Variants in STXBP6 observed in about 807,000 individuals in gnomAD.
The protein encoded by STXBP6 is syntaxin binding protein 6.
In STXBP6, 21 loss-of-function variants were observed where a neutral mutation model predicts 26.9. That is an observed-to-expected ratio of 0.78 (90% CI 0.55 to 1.12). The LOEUF (loss-of-function observed/expected upper bound fraction) is 1.12, where lower values mean the gene tolerates loss of function less well. Among genes scored for constraint, STXBP6 ranks in the 50% most tolerant of loss-of-function variants. The pLI is 0.00. For synonymous variants in STXBP6, 97 were observed against 92.6 expected (o/e 1.05, Z -0.27); for missense variants, 232 against 257.9 (o/e 0.90, Z 0.69).
intron 1 of STXBP6, among the ~76,000 whole-genome samples, chr14:25,006,747 C>T (rs2074908710): frequency 6.6e-6 from 1 of 152,100 alleles, no homozygotes; most frequent in Non-Finnish European, 1.5e-5. Context: ...TCCTTGAGGC[C>T]CTCAATGATT....
intron 1 of STXBP6, among the ~76,000 whole-genome samples, chr14:25,022,853 A>C (rs2075284209): frequency 6.6e-6 from 1 of 152,174 alleles, no homozygotes; most frequent in Non-Finnish European, 1.5e-5. Flanking sequence ...TGGATGCCTC[A>C]AACTCATCTC....
intron 2 of STXBP6, among the ~76,000 whole-genome samples, chr14:24,880,854 G>C (rs890567392): frequency 6.6e-6 from 1 of 152,186 alleles, no homozygotes; most frequent in Non-Finnish European, 1.5e-5. Flanking sequence ...AGAGTTAGCA[G>C]AACAGCACTG....
intron 1 of STXBP6, among the ~76,000 whole-genome samples, chr14:24,986,252 T>C (rs1010808868): frequency 2.0e-5 from 3 of 152,154 alleles, no homozygotes; most frequent in Non-Finnish European, 4.4e-5. Context: ...TTTTCACAGT[T>C]TGTTTTCTCA....
At chr14:24,913,586 C>T (rs918184706) in intron 2 of STXBP6, among the ~76,000 whole-genome samples, 1 of 152,050 alleles carries the variant, frequency 6.6e-6, no homozygotes, top group African/African-American at 2.4e-5. Flanking sequence ...CTTTTAGAAC[C>T]CCAGCTCAGA....
At chr14:25,042,788 C>A (rs1319758029) in intron 1 of STXBP6, among the ~76,000 whole-genome samples, 1 of 152,188 alleles carries the variant, frequency 6.6e-6, no homozygotes, top group Non-Finnish European at 1.5e-5. Flanking sequence ...AACAAAATCT[C>A]AAGAGGCACT....
chr14:24,923,835 G>A (rs1224159593), intron 2 of STXBP6, among the ~76,000 whole-genome samples: 2 of 151,996 alleles, frequency 1.3e-5, no homozygotes, highest in Non-Finnish European at 2.9e-5. Context: ...GTTACACAAG[G>A]TTGCAAATAT....
At chr14:24,863,596 T>C (rs989055081) in intron 2 of STXBP6, among the ~76,000 whole-genome samples, 1 of 152,098 alleles carries the variant, frequency 6.6e-6, no homozygotes, top group Admixed American at 6.6e-5. Context: ...ATCAAGAGAC[T>C]AGAAGGAAAG....
At chr14:24,931,420 TA>T (rs1203276126) in intron 2 of STXBP6, among the ~76,000 whole-genome samples, 1 of 151,828 alleles carries the variant, frequency 6.6e-6, no homozygotes, top group African/African-American at 2.4e-5. Flanking sequence ...TCTGGATGTG[TA>T]AAAAAAAGCT....
chr14:25,030,006 A>C (rs1247687377), intron 1 of STXBP6, among the ~76,000 whole-genome samples: 1 of 152,180 alleles, frequency 6.6e-6, no homozygotes, highest in African/African-American at 2.4e-5. Flanking sequence ...TGAAAGTCTC[A>C]ATTAATCCCC....
intron 2 of STXBP6, among the ~76,000 whole-genome samples, chr14:24,967,588 T>C (rs1464218088): frequency 6.6e-6 from 1 of 152,246 alleles, no homozygotes; most frequent in East Asian, 1.9e-4. Flanking sequence ...AAAAAGGATG[T>C]AAGAAAACTC....
At chr14:24,847,179 T>G (rs1260738566) in intron 4 of STXBP6, among the ~76,000 whole-genome samples, 1 of 152,172 alleles carries the variant, frequency 6.6e-6, no homozygotes, top group Non-Finnish European at 1.5e-5. Flanking sequence ...ATGGCATCAC[T>G]CATTAGCTGT....
chr14:24,963,287 G>T (rs1287247102), intron 2 of STXBP6, among the ~76,000 whole-genome samples: 4 of 152,124 alleles, frequency 2.6e-5, no homozygotes, highest in African/African-American at 9.7e-5. Context: ...AACAGACGAG[G>T]GCGGCTAATG....
chr14:24,823,624 AT>A (rs1290915288), intron 4 of STXBP6, among the ~76,000 whole-genome samples: 2 of 152,214 alleles, frequency 1.3e-5, no homozygotes. Context: ...ATATATGCCC[AT>A]CTATACTCAG....
At chr14:25,000,362 C>CT (rs369019424) in intron 1 of STXBP6, among the ~76,000 whole-genome samples, 6,818 of 142,862 alleles carry the variant, frequency 0.048, 278 homozygotes, top group African/African-American at 0.11. Context: ...CGTGCCTGGC[C>CT]TTTTTTTTTT....
At chr14:24,944,138 C>T (rs781152653) in intron 2 of STXBP6, among the ~76,000 whole-genome samples, 2 of 152,132 alleles carry the variant, frequency 1.3e-5, no homozygotes, top group Non-Finnish European at 2.9e-5. Flanking sequence ...CTTCAAGGAA[C>T]CAACGAGTGA....
Position 24,812,726 on chromosome 14 carries a change from T to G in STXBP6, c.616A>C (p.Met206Leu). 1.2e-6 allele frequency: 2 copies of G among 1,613,804 alleles called. No homozygotes were observed. Among genetic ancestry groups the G allele is most frequent in the African/African-American group, 1.3e-5 (1 of 75,032 alleles). Residue 206 changes from methionine to leucine, a missense_variant, in exon 6 of 6, where the codon ATG (methionine) becomes CTG (leucine). Met to Leu is a conservative substitution (Grantham distance 15). Transcript: ENST00000323944. Reference protein sequence around the residue: ...QFAETAHKLAMKHKC With the variant: ...QFAETAHKLALKHKC ...GCAGTTTCTCAACATTTGTGCTTCA[T>G]GGCAAGCTAAGGAGAGAGAGGAATG... is the stretch of plus-strand genomic sequence containing the variant.
intron 2 of STXBP6, among the ~76,000 whole-genome samples, chr14:24,885,259 C>G (rs2070534135): frequency 6.6e-6 from 1 of 152,192 alleles, no homozygotes; most frequent in Admixed American, 6.5e-5. Context: ...TTGAGAGGTT[C>G]TCTGAGGTGT....
chr14:24,827,130 C>T (rs149260542), intron 4 of STXBP6, among the ~76,000 whole-genome samples: 7 of 152,238 alleles, frequency 4.6e-5, no homozygotes, highest in African/African-American at 1.4e-4. Flanking sequence ...GAGCCTGGGA[C>T]ACTGAGGTTT....
intron 2 of STXBP6, among the ~76,000 whole-genome samples, chr14:24,973,040 C>T (rs1458034046): frequency 2.0e-5 from 3 of 151,962 alleles, no homozygotes; most frequent in Non-Finnish European, 2.9e-5. Flanking sequence ...TCGATTGAAC[C>T]CAAGGAGGTC....
Sources: allele counts gnomAD v4.1 joint callset (sites outside exome capture counted in the v4.1 genomes callset), GRCh38; gene constraint gnomAD v4.1.1; transcripts MANE v1.5; gene names NCBI Gene and HGNC (gene_info 2026-07-23, HGNC 2026-07-21).